Variants in WDHD1 observed in about 807,000 individuals in gnomAD.
WDHD1 encodes WD repeat and HMG-box DNA binding protein 1.
Under a neutral mutation model 135.4 loss-of-function variants are expected in WDHD1, and 111 were observed. The ratio of observed to expected loss-of-function variants is 0.82; its 90% CI spans 0.70 to 0.96. WDHD1 has a LOEUF of 0.96. Ranked by LOEUF, WDHD1 falls within the 40% of genes least tolerant of loss-of-function variation. The pLI is 0.00. For missense variants in WDHD1, 1,351 were observed against 1,336.3 expected, an observed-to-expected ratio of 1.01 and a Z score of -0.17; for synonymous variants, 434 against 439.0, an observed-to-expected ratio of 0.99 and a Z score of 0.14.
chr14:55,012,951 A>G (rs2042194990), intron 3 of WDHD1, among the ~76,000 whole-genome samples: 2 of 152,126 alleles, frequency 1.3e-5, no homozygotes, highest in African/African-American at 4.8e-5. Flanking sequence ...AACACCACTG[A>G]GTTTTCCCTT....
chr14:55,015,984 C>T (rs1484352760), intron 2 of WDHD1, among the ~76,000 whole-genome samples: 1 of 152,222 alleles, frequency 6.6e-6, no homozygotes, highest in East Asian at 1.9e-4. Flanking sequence ...TAGGCATGAG[C>T]CACCACACCC....
intron 16 of WDHD1, among the ~76,000 whole-genome samples, chr14:54,977,043 C>T (rs1397580907): frequency 6.6e-6 from 1 of 151,880 alleles, no homozygotes; most frequent in Non-Finnish European, 1.5e-5. Context: ...TACTTATCAG[C>T]TAACTCCCTT....
intron 16 of WDHD1, among the ~76,000 whole-genome samples, chr14:54,979,208 G>A (rs1309320918): frequency 1.3e-5 from 2 of 152,094 alleles, no homozygotes; most frequent in Admixed American, 1.3e-4. Flanking sequence ...CAGGAGTGCA[G>A]AGGTGTGATC....
intron 7 of WDHD1, among the ~76,000 whole-genome samples, chr14:55,003,484 C>T (rs1013678009): frequency 6.6e-6 from 1 of 151,522 alleles, no homozygotes; most frequent in Non-Finnish European, 1.5e-5. Context: ...CACTGCACTC[C>T]AGCCTGGGCA....
At chr14:55,007,401 T>C in intron 6 of WDHD1, 26 bp from the exon 7 acceptor site, 1 of 1,517,010 alleles carries the variant, frequency 6.6e-7, no homozygotes, top group Non-Finnish European at 8.9e-7. Flanking sequence ...AGAAAATTTC[T>C]TTCCTTTATG....
chr14:54,960,750 C>T (rs532164555), intron 21 of WDHD1, among the ~76,000 whole-genome samples: 1 of 151,968 alleles, frequency 6.6e-6, no homozygotes, highest in Non-Finnish European at 1.5e-5. Flanking sequence ...AAGTGCTCCA[C>T]CTGCCTCGGC....
intron 23 of WDHD1, among the ~76,000 whole-genome samples, chr14:54,956,365 C>T (rs1315756096): frequency 2.0e-5 from 3 of 151,984 alleles, no homozygotes; most frequent in African/African-American, 4.8e-5. Context: ...AGGCTGGGTG[C>T]GGTGGCTCAT....
Position 54,945,944 on chromosome 14 carries a change from AT to A in WDHD1, c.3051-1475del, listed in dbSNP as rs1399773195. ...ACTTTTTAAGGTTAAAAAAATTTTT[AT>A]TAAAAAATTACTAGTATGACCATAA... On this transcript the variant is annotated intron_variant, in intron 24 of 25. Transcript: ENST00000360586. 3.3e-5 allele frequency among the ~76,000 whole-genome samples: 5 copies of A among 152,344 alleles called. No individual in the cohort carries two copies. The East Asian group carries it at 9.6e-4, about 29-fold the overall frequency.
chr14:54,973,130 C>T (rs369195298), intron 16 of WDHD1, among the ~76,000 whole-genome samples: 3 of 152,186 alleles, frequency 2.0e-5, no homozygotes, highest in African/African-American at 7.2e-5. Flanking sequence ...ATAAATACCA[C>T]AGGCAAATTT....
At chr14:54,945,899 A>G (rs2040916222) in intron 24 of WDHD1, among the ~76,000 whole-genome samples, 1 of 152,188 alleles carries the variant, frequency 6.6e-6, no homozygotes, top group South Asian at 2.1e-4. Flanking sequence ...ACCTAAATGA[A>G]TCCTAAATAA....
Position 54,987,402 on chromosome 14 carries a change from A to AATTG in WDHD1, c.1527-16_1527-15insCAAT. On this transcript the variant is annotated splice_polypyrimidine_tract_variant and intron_variant, in intron 13 of 25. Coordinates refer to ENST00000360586, the MANE Select transcript of WDHD1 (RefSeq NM_007086.4). ...AGTGAAGCTTGCTAAAAATTAAAAC[A>AATTG]AGACAGAAACAATCAAACTTTCATA... is the stretch of plus-strand genomic sequence containing the variant. 2 of 1,561,216 alleles carry AATTG rather than the reference A, an allele frequency of 1.3e-6. No individual in the cohort carries two copies. Among genetic ancestry groups the AATTG allele is most frequent in the Non-Finnish European group, 1.7e-6 (2 of 1,154,044 alleles).
At chr14:55,005,047 C>A in intron 7 of WDHD1, 1 of 545,822 alleles carries the variant, frequency 1.8e-6, no homozygotes, top group Admixed American at 1.9e-5. Context: ...ACAGCCTTTT[C>A]AGCAGCAGGC....
At position 54,991,551 on chromosome 14, in the gene WDHD1, T is replaced by C. The variant is rs1195499812; in HGVS notation, c.1154-151A>G. On this transcript the variant is annotated intron_variant, in intron 11 of 25. Coordinates refer to ENST00000360586, the MANE Select transcript of WDHD1 (RefSeq NM_007086.4). ...TCACTGTGTTAAAGAGATGCAGTGA[T>C]GGTGCAAAAGCAATGGTGGGTAAAA... The C allele has an allele frequency of 2.1e-5, 16 of 768,274 alleles. No individual in the cohort carries two copies. The East Asian group carries it at 4.3e-4, about 21-fold the overall frequency. 47.6% of individuals were successfully genotyped at this position (768,274 alleles called of 1,614,324 possible).
At chr14:55,000,675 C>G in intron 9 of WDHD1, 31 bp from the exon 10 acceptor site, 1 of 1,489,916 alleles carries the variant, frequency 6.7e-7, no homozygotes, top group Non-Finnish European at 8.9e-7. Context: ...TCTAAAAATA[C>G]TGTCAAGAAA....
chr14:54,963,248 T>C, intron 18 of WDHD1, 76 bp from the exon 19 acceptor site: 1 of 1,150,862 alleles, frequency 8.7e-7, no homozygotes, highest in African/African-American at 1.6e-5. Flanking sequence ...ACACTACTAG[T>C]AAAACTGAGA....
Position 54,984,758 on chromosome 14 carries a change from T to C in WDHD1, c.1871A>G (p.Lys624Arg), listed in dbSNP as rs1442658757. The C allele has an allele frequency of 6.2e-7, 1 of 1,613,546 alleles. No homozygotes were observed. The highest frequency in any genetic ancestry group is 8.5e-7 in the Non-Finnish European group (1 of 1,179,884). ...AAACCCAATCCATGCAAGGTAGGAT[T>C]TCCTTGTAAGAGGAAGAGGGTCACC... ...LHGDPLPLTR[K>R]SYLAWIGFSA... The change falls in exon 15 of 26, where the codon AAA (lysine) becomes AGA (arginine). Residue 624 changes from lysine (K) to arginine (R), a missense_variant. This residue lies in a region of WDHD1 where 1,330 missense variants were observed against 1,296.1 expected (regional missense o/e 1.03). Transcript: ENST00000360586.
rs755830340 is a variant in WDHD1, at chr14:55,010,432, T to C, written c.218A>G (p.Asn73Ser). The C allele has an allele frequency of 6.2e-7, 1 of 1,606,208 alleles. No individual in the cohort carries two copies. Among genetic ancestry groups the C allele is most frequent in the East Asian group, 2.2e-5 (1 of 44,604 alleles). The part of the protein sequence containing the change: ...KSGKLVTAVS[N>S]NTIQVHTFPE... The stretch of plus-strand genomic sequence containing the variant: ...AAATGTGTGGACTTGAATAGTATTA[T>C]TAGAAACTGCAGTGACCAGTTTTCC... The change falls in exon 4 of 26, where the codon AAT becomes AGT. Residue 73 changes from asparagine to serine, a missense_variant. By Grantham distance (46) the Asn-to-Ser change is conservative. This residue lies in a region of WDHD1 where 1,330 missense variants were observed against 1,296.1 expected (regional missense o/e 1.03). Coordinates refer to ENST00000360586, the MANE Select transcript of WDHD1 (RefSeq NM_007086.4).
At chr14:55,026,098 A>G (rs1203286619) in intron 2 of WDHD1, among the ~76,000 whole-genome samples, 1 of 152,236 alleles carries the variant, frequency 6.6e-6, no homozygotes, top group Non-Finnish European at 1.5e-5. Flanking sequence ...GGAGGAAAAG[A>G]CTGTGTCTGG....
At position 54,993,211 on chromosome 14, in the gene WDHD1, G is replaced by A. The variant is rs144355243; in HGVS notation, c.1154-1811C>T. Among the ~76,000 whole-genome samples, 95 of 152,066 alleles carry A rather than the reference G, an allele frequency of 6.2e-4. 1 individual carries two copies. The highest frequency in any genetic ancestry group is 7.4e-4 in the Non-Finnish European group (50 of 67,994). ...TGGCTCACTGCAGCCTCGACCTCTC[G>A]GGCTCAAGAGATCCTCCTACCTCAG... is the stretch of plus-strand genomic sequence containing the variant. On this transcript the variant is annotated intron_variant, in intron 11 of 25. Transcript: ENST00000360586.
Sources: allele counts gnomAD v4.1 joint callset (sites outside exome capture counted in the v4.1 genomes callset), GRCh38; gene constraint gnomAD v4.1.1; regional missense constraint gnomAD v4.1.1; transcripts MANE v1.5; gene names NCBI Gene and HGNC (gene_info 2026-07-23, HGNC 2026-07-21).